Variants in KCNIP4 observed in about 807,000 individuals in gnomAD.
The protein encoded by KCNIP4 is Kv channel-interacting protein 4.
A neutral mutation model predicts 34.0 loss-of-function variants in KCNIP4; 12 were observed. That is an observed-to-expected ratio of 0.35 (90% confidence interval 0.23 to 0.57). The LOEUF (loss-of-function observed/expected upper bound fraction) is 0.57. Ranked by LOEUF, KCNIP4 falls within the 20% of genes least tolerant of loss-of-function variation. The pLI is 0.83. For synonymous variants in KCNIP4, 124 were observed against 102.2 expected (o/e 1.21, Z -1.29); for missense variants, 238 against 311.7 (o/e 0.76, Z 1.78).
intron 1 of KCNIP4, among the ~76,000 whole-genome samples, chr4:21,557,640 TC>T (rs1210561237): frequency 4.0e-5 from 6 of 149,520 alleles, no homozygotes; most frequent in Non-Finnish European, 7.4e-5. Context: ...ACCACTTGGG[TC>T]CCATTCATCT....
intron 1 of KCNIP4, among the ~76,000 whole-genome samples, chr4:21,337,337 T>G (rs1422270523): frequency 1.3e-5 from 2 of 152,196 alleles, no homozygotes; most frequent in East Asian, 3.9e-4. Context: ...ATTTTCACTT[T>G]AAAATGATGC....
intron 1 of KCNIP4, among the ~76,000 whole-genome samples, chr4:21,931,115 T>G (rs1729537335): frequency 6.6e-6 from 1 of 152,140 alleles, no homozygotes; most frequent in Non-Finnish European, 1.5e-5. Context: ...CTAATCTTAC[T>G]GTGGTAGCTT....
At chr4:21,287,518 A>C (rs565647957) in intron 1 of KCNIP4, among the ~76,000 whole-genome samples, 1 of 152,318 alleles carries the variant, frequency 6.6e-6, no homozygotes, top group African/African-American at 2.4e-5. Flanking sequence ...TAATTATCAT[A>C]ATAATCCCCT....
intron 1 of KCNIP4, among the ~76,000 whole-genome samples, chr4:21,825,531 A>T (rs1031173647): frequency 6.6e-6 from 1 of 152,160 alleles, no homozygotes; most frequent in Non-Finnish European, 1.5e-5. Context: ...ATTTTATTAC[A>T]CTCAAAGGAT....
At chr4:21,533,576 A>C (rs1736896659) in intron 1 of KCNIP4, among the ~76,000 whole-genome samples, 1 of 152,178 alleles carries the variant, frequency 6.6e-6, no homozygotes, top group Non-Finnish European at 1.5e-5. Flanking sequence ...TTTCTGGAGA[A>C]TAGCCATGTT....
intron 1 of KCNIP4, among the ~76,000 whole-genome samples, chr4:21,688,139 C>A (rs548370240): frequency 3.5e-4 from 53 of 152,278 alleles, no homozygotes; most frequent in Non-Finnish European, 5.3e-4. Flanking sequence ...TTTAAAGCAA[C>A]TACTGTGCAG....
intron 1 of KCNIP4, among the ~76,000 whole-genome samples, chr4:21,934,386 T>C (rs1272459405): frequency 2.0e-5 from 3 of 152,024 alleles, no homozygotes; most frequent in African/African-American, 7.2e-5. Flanking sequence ...TTAATGGTTC[T>C]TTTTCCCAAC....
chr4:21,589,243 T>TATGTATCTATACAG (rs1315941022), intron 1 of KCNIP4, among the ~76,000 whole-genome samples: 20 of 104,968 alleles, frequency 1.9e-4, no homozygotes, highest in East Asian at 3.0e-4. Context: ...CAGATACATA[T>TATGTATCTATACAG]ATACATATAT....
chr4:21,514,394 A>G (rs1251387814), intron 1 of KCNIP4, among the ~76,000 whole-genome samples: 1 of 152,180 alleles, frequency 6.6e-6, no homozygotes, highest in Non-Finnish European at 1.5e-5. Flanking sequence ...GTTTTTCAAC[A>G]CAGCACACAG....
intron 3 of KCNIP4, among the ~76,000 whole-genome samples, chr4:20,759,298 T>A (rs558527629): frequency 6.6e-6 from 1 of 152,320 alleles, no homozygotes; most frequent in African/African-American, 2.4e-5. Flanking sequence ...AATCTTCGAT[T>A]CAATGGCAGA....
intron 1 of KCNIP4, among the ~76,000 whole-genome samples, chr4:21,771,421 T>C (rs36136275): frequency 6.6e-6 from 1 of 152,134 alleles, no homozygotes; most frequent in African/African-American, 2.4e-5. Context: ...CTTAGCTATA[T>C]GGGGTATTCT....
chr4:21,088,123 C>T (rs1040584967), intron 1 of KCNIP4, among the ~76,000 whole-genome samples: 26 of 151,474 alleles, frequency 1.7e-4, no homozygotes, highest in Admixed American at 6.6e-5. Flanking sequence ...AAATGTTGGC[C>T]CCCTTCAAGA....
At chr4:20,943,158 C>T (rs1731823398) in intron 1 of KCNIP4, among the ~76,000 whole-genome samples, 1 of 152,108 alleles carries the variant, frequency 6.6e-6, no homozygotes, top group African/African-American at 2.4e-5. Flanking sequence ...TTTATGTTGA[C>T]ATTTATTACT....
intron 1 of KCNIP4, among the ~76,000 whole-genome samples, chr4:21,464,299 T>A (rs1729727631): frequency 6.6e-6 from 1 of 152,052 alleles, no homozygotes; most frequent in Non-Finnish European, 1.5e-5. Flanking sequence ...CAGGTTAGAT[T>A]ATTGACTTGA....
chr4:21,822,218 C>G (rs1202149436), intron 1 of KCNIP4, among the ~76,000 whole-genome samples: 2 of 152,098 alleles, frequency 1.3e-5, no homozygotes. Flanking sequence ...TTTCATTATG[C>G]TTTCAGAAAA....
intron 1 of KCNIP4, among the ~76,000 whole-genome samples, chr4:21,186,963 A>G (rs1212424374): frequency 6.6e-6 from 1 of 152,138 alleles, no homozygotes; most frequent in Non-Finnish European, 1.5e-5. Flanking sequence ...TAATAGCCCA[A>G]CTTCACAGGA....
chr4:20,763,219 A>T (rs941242770), intron 3 of KCNIP4, among the ~76,000 whole-genome samples: 1 of 152,190 alleles, frequency 6.6e-6, no homozygotes, highest in Non-Finnish European at 1.5e-5. Flanking sequence ...ATTTACTTTG[A>T]ATGCCATTTT....
chr4:21,159,562 G>A (rs1486869557), intron 1 of KCNIP4, among the ~76,000 whole-genome samples: 2 of 39,134 alleles, frequency 5.1e-5, no homozygotes, highest in South Asian at 8.3e-4. Context: ...TGCGCGAGCC[G>A]AAGCAGGGCG....
intron 1 of KCNIP4, among the ~76,000 whole-genome samples, chr4:21,516,425 A>G (rs1734764050): frequency 6.6e-6 from 1 of 152,186 alleles, no homozygotes; most frequent in Non-Finnish European, 1.5e-5. Flanking sequence ...TCACCCACTG[A>G]AAACTAATGA....
Sources: allele counts gnomAD v4.1 joint callset (sites outside exome capture counted in the v4.1 genomes callset), GRCh38; gene constraint gnomAD v4.1.1; transcripts MANE v1.5; gene names NCBI Gene and HGNC (gene_info 2026-07-23, HGNC 2026-07-21).